The following CNNM2 variants were observed in gnomAD, a reference collection of about 807,000 sequenced individuals.
CNNM2 encodes cyclin and CBS domain divalent metal cation transport mediator 2, also known as metal transporter CNNM2.
In CNNM2, 12 loss-of-function variants were observed where a neutral mutation model predicts 66.9. That is an observed-to-expected ratio of 0.18 (90% CI 0.11 to 0.29). The LOEUF is 0.29. Among genes scored for constraint, CNNM2 ranks in the 10% least tolerant of loss-of-function variants. The pLI, the probability that CNNM2 is intolerant of heterozygous loss-of-function variation, is 1.00. For missense variants in CNNM2, 705 were observed against 1,167.7 expected (o/e 0.60, Z 5.77); for synonymous variants, 557 against 501.8 (o/e 1.11, Z -1.47).
At chr10:103,076,865 C>T (rs2065700981) in intron 7 of CNNM2, 106 bp from the exon 8 acceptor site, 1 of 1,013,186 alleles carries the variant, frequency 9.9e-7, no homozygotes, top group Non-Finnish European at 1.5e-6. Flanking sequence ...GTGATTTTCT[C>T]CTAGAGAGGC....
intron 1 of CNNM2, among the ~76,000 whole-genome samples, chr10:102,979,754 T>C (rs948199230): frequency 6.6e-6 from 1 of 151,002 alleles, no homozygotes; most frequent in Non-Finnish European, 1.5e-5. Flanking sequence ...TTGGGGAGAA[T>C]AAGACAAATG....
At chr10:102,933,878 A>G (rs1006271152) in intron 1 of CNNM2, among the ~76,000 whole-genome samples, 2 of 152,224 alleles carry the variant, frequency 1.3e-5, no homozygotes, top group African/African-American at 4.8e-5. Context: ...TCCATTGCCC[A>G]GGCCAGATTG....
chr10:102,931,545 C>T (rs906813218), intron 1 of CNNM2, among the ~76,000 whole-genome samples: 13 of 151,876 alleles, frequency 8.6e-5, no homozygotes, highest in East Asian at 1.9e-4. Flanking sequence ...TTAGTAGAGA[C>T]GGGGTTTCTC....
At chr10:103,009,963 GAC>G (rs1286286043) in intron 1 of CNNM2, among the ~76,000 whole-genome samples, 2 of 150,640 alleles carry the variant, frequency 1.3e-5, no homozygotes, top group African/African-American at 4.9e-5. Flanking sequence ...CACAATTAGA[GAC>G]AAAAATTGCG....
intron 1 of CNNM2, among the ~76,000 whole-genome samples, chr10:102,963,447 G>T (rs1017944719): frequency 6.6e-6 from 1 of 152,114 alleles, no homozygotes; most frequent in Non-Finnish European, 1.5e-5. Context: ...TATCATGTTT[G>T]TTCAGTTGGC....
chr10:103,030,607 G>A (rs2064805116), intron 1 of CNNM2, among the ~76,000 whole-genome samples: 1 of 152,134 alleles, frequency 6.6e-6, no homozygotes. Context: ...CCAGCCACTT[G>A]TGAGGTGGGA....
At chr10:103,023,954 T>C (rs1400773470) in intron 1 of CNNM2, among the ~76,000 whole-genome samples, 1 of 152,194 alleles carries the variant, frequency 6.6e-6, no homozygotes, top group Non-Finnish European at 1.5e-5. Context: ...GATATCATAC[T>C]TTATCCTAAA....
At position 103,084,004 on chromosome 10, in the gene CNNM2, T is replaced by C. The variant is rs555904730; in HGVS notation, c.*6824T>C. The C allele has an allele frequency of 6.6e-6, 1 of 152,372 alleles. No homozygotes were observed. The highest frequency in any genetic ancestry group is 2.1e-4 in the South Asian group (1 of 4,828). The allele number at this position is 152,372 out of a possible 1,614,324, so 9.4% of individuals were successfully genotyped here. ...CCTGCATTCCCCAGTAATCGGTGTGTATGATACACGTTCTTTTCCATCACT... is the reference window on the plus strand; with the variant it reads ...CCTGCATTCCCCAGTAATCGGTGTGCATGATACACGTTCTTTTCCATCACT... On this transcript the variant is annotated 3_prime_UTR_variant, in exon 8 of 8. Transcript: ENST00000369878.
At chr10:103,032,542 A>C (rs1365979719) in intron 1 of CNNM2, among the ~76,000 whole-genome samples, 1 of 152,112 alleles carries the variant, frequency 6.6e-6, no homozygotes, top group Non-Finnish European at 1.5e-5. Flanking sequence ...TTGTTTCTAG[A>C]GTTTTCTATA....
chr10:103,046,687 C>T (rs1025144595), intron 1 of CNNM2, among the ~76,000 whole-genome samples: 1 of 152,124 alleles, frequency 6.6e-6, no homozygotes, highest in Admixed American at 6.5e-5. Flanking sequence ...CATTGTTTTA[C>T]TTTTTGCATG....
At position 102,952,286 on chromosome 10, in the gene CNNM2, C is replaced by T. The variant is rs187289854; in HGVS notation, c.1621+32185C>T. ...TTTAAAAATGTTAAATGATGGGGGC[C>T]GGGCGCAGTGGCTCACGCCTGTAAT... On this transcript the variant is annotated intron_variant, in intron 1 of 7. Coordinates refer to ENST00000369878, the MANE Select transcript of CNNM2 (RefSeq NM_017649.5). Among the ~76,000 whole-genome samples the T allele has an allele frequency of 2.6e-3, 395 of 151,840 alleles. 1 individual carries two copies. Among genetic ancestry groups the T allele is most frequent in the Middle Eastern group, 0.01 (3 of 294 alleles).
chr10:102,958,932 G>C (rs1847151032), intron 1 of CNNM2, among the ~76,000 whole-genome samples: 1 of 151,930 alleles, frequency 6.6e-6, no homozygotes, highest in Non-Finnish European at 1.5e-5. Flanking sequence ...TTTCAAGTGA[G>C]ATCATTTTAT....
At chr10:102,930,887 C>T (rs879280442) in intron 1 of CNNM2, among the ~76,000 whole-genome samples, 5 of 152,124 alleles carry the variant, frequency 3.3e-5, no homozygotes, top group South Asian at 4.1e-4. Flanking sequence ...TTCCTTTTTA[C>T]GGCCAAATAT....
intron 6 of CNNM2, among the ~76,000 whole-genome samples, chr10:103,074,338 A>G (rs2065652844): frequency 6.6e-6 from 1 of 152,190 alleles, no homozygotes. Flanking sequence ...CATTTTACAG[A>G]TAAAGAATCT....
chr10:103,008,218 T>C (rs901937196), intron 1 of CNNM2, among the ~76,000 whole-genome samples: 2 of 152,150 alleles, frequency 1.3e-5, no homozygotes, highest in African/African-American at 2.4e-5. Flanking sequence ...CAAATTACTA[T>C]TGGGCAGGGG....
intron 1 of CNNM2, among the ~76,000 whole-genome samples, chr10:103,012,191 C>A (rs983622940): frequency 2.0e-5 from 3 of 152,086 alleles, no homozygotes; most frequent in African/African-American, 7.2e-5. Flanking sequence ...AGGATAAATT[C>A]CTAGAAGTAG....
chr10:103,066,907 T>C (rs1303656919), intron 4 of CNNM2, among the ~76,000 whole-genome samples: 2 of 152,034 alleles, frequency 1.3e-5, no homozygotes, highest in African/African-American at 4.8e-5. Flanking sequence ...GCAGGTGGAT[T>C]TTATATCATG....
intron 1 of CNNM2, among the ~76,000 whole-genome samples, chr10:103,014,248 T>TC (rs1388092298): frequency 1.3e-5 from 2 of 152,218 alleles, no homozygotes; most frequent in African/African-American, 4.8e-5. Context: ...CAAGACGTTG[T>TC]CCTTGCCCTC....
In CNNM2 at chr10:103,055,511, T is replaced by A. The variant is rs7916476; in HGVS notation, c.1903+1045T>A. 0.19 allele frequency among the ~76,000 whole-genome samples: 28,502 copies of A among 152,254 alleles called. 2,864 individuals are homozygous for A. The highest frequency in any genetic ancestry group is 0.22 in the Non-Finnish European group (15,019 of 68,016). ...TTGTGTTTTTGTGTGTACACACATG[T>A]ATACATGAGCACACGTGCCTGGGCA... is the stretch of plus-strand genomic sequence containing the variant. On this transcript the variant is annotated intron_variant, in intron 3 of 7. Coordinates refer to ENST00000369878, the MANE Select transcript of CNNM2 (RefSeq NM_017649.5).
Sources: allele counts gnomAD v4.1 joint callset (sites outside exome capture counted in the v4.1 genomes callset), GRCh38; gene constraint gnomAD v4.1.1; transcripts MANE v1.5; gene names NCBI Gene and HGNC (gene_info 2026-07-23, HGNC 2026-07-21).